Variants in PDGFC observed in about 807,000 individuals in gnomAD.
PDGFC encodes the protein platelet derived growth factor C.
Under a neutral mutation model 35.5 loss-of-function variants are expected in PDGFC, and 12 were observed. That is an observed-to-expected ratio of 0.34 (90% CI 0.22 to 0.55). PDGFC has a LOEUF of 0.55. PDGFC is among the 20% of genes least tolerant of loss of function. The probability of loss-of-function intolerance (pLI) is 0.91; values close to 1 mark genes in which losing one functional copy is unlikely to be tolerated. For synonymous variants in PDGFC, 159 were observed against 148.8 expected (o/e 1.07, Z -0.50); for missense variants, 322 against 412.4 (o/e 0.78, Z 1.90).
chr4:156,903,921 T>A (rs1028889920), intron 1 of PDGFC, among the ~76,000 whole-genome samples: 3 of 152,180 alleles, frequency 2.0e-5, no homozygotes, highest in African/African-American at 7.2e-5. Flanking sequence ...TACTGGCCTT[T>A]AGGCCAATTT....
At chr4:156,837,607 C>T (rs1296179629) in intron 2 of PDGFC, among the ~76,000 whole-genome samples, 1 of 151,870 alleles carries the variant, frequency 6.6e-6, no homozygotes, top group African/African-American at 2.4e-5. Flanking sequence ...GGGCATGACA[C>T]AAAAAATGGC....
At chr4:156,895,502 G>C (rs1476842992) in intron 1 of PDGFC, among the ~76,000 whole-genome samples, 2 of 151,692 alleles carry the variant, frequency 1.3e-5, no homozygotes, top group Non-Finnish European at 2.9e-5. Flanking sequence ...TGTTGTGGTG[G>C]GTGCCTGTAA....
intron 1 of PDGFC, among the ~76,000 whole-genome samples, chr4:156,945,216 T>C (rs1369701916): frequency 6.6e-6 from 1 of 151,370 alleles, no homozygotes; most frequent in Non-Finnish European, 1.5e-5. Flanking sequence ...TTTTAATCTG[T>C]GACTAGTATC....
intron 1 of PDGFC, among the ~76,000 whole-genome samples, chr4:156,920,370 G>A (rs990274020): frequency 2.0e-5 from 3 of 152,092 alleles, no homozygotes; most frequent in East Asian, 1.9e-4. Flanking sequence ...TGAGGTAGCC[G>A]TTAATAACAC....
intron 1 of PDGFC, among the ~76,000 whole-genome samples, chr4:156,850,960 T>C (rs954877492): frequency 2.0e-5 from 3 of 152,178 alleles, no homozygotes; most frequent in Non-Finnish European, 1.5e-5. Context: ...AGTGGATAGG[T>C]AGAAAAGACT....
chr4:156,774,717 G>C (rs1303198330), intron 3 of PDGFC, among the ~76,000 whole-genome samples: 1 of 147,888 alleles, frequency 6.8e-6, no homozygotes, highest in African/African-American at 2.5e-5. Context: ...GCCTGTGTGT[G>C]CATTATGAGA....
intron 3 of PDGFC, among the ~76,000 whole-genome samples, chr4:156,779,338 T>C (rs1730917636): frequency 6.6e-6 from 1 of 152,202 alleles, no homozygotes; most frequent in Non-Finnish European, 1.5e-5. Flanking sequence ...TTTAATATGG[T>C]GTGAGTAATG....
At chr4:156,810,015 C>T (rs946497435) in intron 3 of PDGFC, among the ~76,000 whole-genome samples, 1 of 151,632 alleles carries the variant, frequency 6.6e-6, no homozygotes, top group Non-Finnish European at 1.5e-5. Context: ...CCACCCTAGC[C>T]TAAAAAATAT....
At chr4:156,951,782 C>T (rs1208418599) in intron 1 of PDGFC, among the ~76,000 whole-genome samples, 4 of 150,628 alleles carry the variant, frequency 2.7e-5, no homozygotes, top group Non-Finnish European at 4.4e-5. Flanking sequence ...GACTTCATTG[C>T]ACAAGGGATC....
At chr4:156,796,289 T>C (rs371644568) in intron 3 of PDGFC, among the ~76,000 whole-genome samples, 12 of 152,114 alleles carry the variant, frequency 7.9e-5, no homozygotes, top group African/African-American at 2.9e-4. Flanking sequence ...TTTTAACTTA[T>C]AAATGATATC....
intron 1 of PDGFC, among the ~76,000 whole-genome samples, chr4:156,936,328 T>C (rs1254719158): frequency 1.3e-5 from 2 of 152,196 alleles, no homozygotes; most frequent in Non-Finnish European, 2.9e-5. Flanking sequence ...AAATGGAAAC[T>C]CTCAGAGGAG....
intron 3 of PDGFC, among the ~76,000 whole-genome samples, chr4:156,792,451 C>T (rs1042162876): frequency 2.0e-5 from 3 of 152,070 alleles, no homozygotes; most frequent in Non-Finnish European, 2.9e-5. Flanking sequence ...CAAAAACAAA[C>T]GTGTCAAGAT....
chr4:156,970,957 TC>T lies in PDGFC; in HGVS notation c.-55del. 8 of 1,149,214 alleles carry T rather than the reference TC, an allele frequency of 7.0e-6. No individual in the cohort carries two copies. Among genetic ancestry groups the T allele is most frequent in the Non-Finnish European group, 1.0e-5 (8 of 766,212 alleles). 71.2% of individuals were successfully genotyped at this position (1,149,214 alleles called of 1,614,324 possible). A position where few individuals can be genotyped will look rare whatever the true frequency, so the allele number is the denominator to read the frequency against. ...CGGCGGGCACTTTGGAAGCAGCGAC[TC>T]CCGAGTCTCTTTCACCACCGCCAGG... On this transcript the variant is annotated 5_prime_UTR_variant, in exon 1 of 6. The change creates a premature stop within an existing upstream ORF in the 5' untranslated region. Coordinates refer to ENST00000502773, the MANE Select transcript of PDGFC (RefSeq NM_016205.3).
intron 1 of PDGFC, among the ~76,000 whole-genome samples, chr4:156,932,175 T>A (rs2110879562): frequency 6.6e-6 from 1 of 152,120 alleles, no homozygotes; most frequent in South Asian, 2.1e-4. Flanking sequence ...TTTAAGGGAT[T>A]TTTTTTTAAT....
intron 2 of PDGFC, among the ~76,000 whole-genome samples, chr4:156,812,988 A>G (rs1420144720): frequency 6.6e-6 from 1 of 152,112 alleles, no homozygotes; most frequent in Non-Finnish European, 1.5e-5. Flanking sequence ...CCAGGGTTAT[A>G]AGTTACATAT....
At chr4:156,808,248 C>T (rs1178782402) in intron 3 of PDGFC, among the ~76,000 whole-genome samples, 1 of 152,042 alleles carries the variant, frequency 6.6e-6, no homozygotes, top group East Asian at 1.9e-4. Context: ...TAATGAGCAG[C>T]TACAATGTGA....
intron 2 of PDGFC, among the ~76,000 whole-genome samples, chr4:156,824,772 C>A (rs1560827858): frequency 6.6e-6 from 1 of 152,110 alleles, no homozygotes; most frequent in Non-Finnish European, 1.5e-5. Context: ...GCTTCCATGA[C>A]AAAGGACACT....
intron 1 of PDGFC, among the ~76,000 whole-genome samples, chr4:156,899,435 A>G (rs1056817708): frequency 3.3e-5 from 5 of 152,234 alleles, no homozygotes; most frequent in Non-Finnish European, 5.9e-5. Context: ...CTTCTTAAAC[A>G]CAGAGTTTCT....
intron 1 of PDGFC, among the ~76,000 whole-genome samples, chr4:156,866,944 C>T (rs1363527511): frequency 6.6e-6 from 1 of 152,070 alleles, no homozygotes; most frequent in Non-Finnish European, 1.5e-5. Context: ...GAATCATCAT[C>T]ACGTCTGTAC....
Sources: allele counts gnomAD v4.1 joint callset (sites outside exome capture counted in the v4.1 genomes callset), GRCh38; gene constraint gnomAD v4.1.1; transcripts MANE v1.5; gene names NCBI Gene and HGNC (gene_info 2026-07-23, HGNC 2026-07-21).